STX18: variants seen among roughly 807,000 people sequenced by gnomAD.
STX18 encodes the protein syntaxin 18, also known as syntaxin-18.
STX18 carries 40 observed loss-of-function variants against 50.1 expected under a neutral mutation model. The observed-to-expected ratio is 0.80, with a 90% CI of 0.62 to 1.04. The LOEUF is 1.04. Ranked by LOEUF, STX18 falls within the 50% of genes least tolerant of loss-of-function variation. The pLI is 0.00. For synonymous variants in STX18, 158 were observed against 151.8 expected (o/e 1.04, Z -0.30); for missense variants, 410 against 415.8 (o/e 0.99, Z 0.12).
chr4:4,478,155 G>C (rs143891968), intron 1 of STX18, among the ~76,000 whole-genome samples: 1 of 149,748 alleles, frequency 6.7e-6, no homozygotes, highest in Admixed American at 6.6e-5. Flanking sequence ...CTTCATGAGA[G>C]TATTTGTGAG....
At chr4:4,535,033 C>T (rs1731266984) in intron 1 of STX18, among the ~76,000 whole-genome samples, 1 of 152,198 alleles carries the variant, frequency 6.6e-6, no homozygotes, top group Admixed American at 6.5e-5. Context: ...TGCCTCTGGC[C>T]CCAAACTGCC....
chr4:4,523,117 G>A (rs537738472), intron 1 of STX18, among the ~76,000 whole-genome samples: 3 of 152,318 alleles, frequency 2.0e-5, no homozygotes, highest in South Asian at 4.1e-4. Flanking sequence ...TCAGTTGCAG[G>A]AGGTGGTAGA....
Position 4,530,663 on chromosome 4 carries a change from T to C in STX18, c.168+11134A>G, listed in dbSNP as rs939434118. 3.3e-5 allele frequency among the ~76,000 whole-genome samples: 5 copies of C among 152,210 alleles called. No homozygotes were observed. The South Asian group carries it at 6.2e-4, about 19-fold the overall frequency. ...TTTGTTTTTCCTAGCTGGAGTGCAA[T>C]AGCACAATCTTGGATCACTGCAACC... On this transcript the variant is annotated intron_variant, in intron 1 of 10. Coordinates refer to ENST00000306200, the MANE Select transcript of STX18 (RefSeq NM_016930.4).
chr4:4,442,141 A>T (rs374790868), intron 5 of STX18, among the ~76,000 whole-genome samples: 3 of 152,220 alleles, frequency 2.0e-5, no homozygotes, highest in East Asian at 1.9e-4. Flanking sequence ...AATAGGATAT[A>T]AAATTCAAAA....
intron 7 of STX18, chr4:4,425,860 A>G (rs1725219204): frequency 6.6e-6 from 1 of 152,512 alleles, no homozygotes; most frequent in South Asian, 2.1e-4. Flanking sequence ...CTTGGCACAG[A>G]CAGTTGCTCT....
At chr4:4,534,647 A>G (rs1317449441) in intron 1 of STX18, among the ~76,000 whole-genome samples, 1 of 152,218 alleles carries the variant, frequency 6.6e-6, no homozygotes, top group Non-Finnish European at 1.5e-5. Flanking sequence ...AAATACAAAC[A>G]TGATCCTTTC....
At chr4:4,538,449 A>G (rs1011481692) in intron 1 of STX18, among the ~76,000 whole-genome samples, 3 of 152,108 alleles carry the variant, frequency 2.0e-5, no homozygotes, top group Middle Eastern at 3.2e-3. Context: ...CAGGATTTTC[A>G]CTCATTCCTC....
At chr4:4,439,318 A>G (rs1007333070) in intron 5 of STX18, among the ~76,000 whole-genome samples, 1 of 150,202 alleles carries the variant, frequency 6.7e-6, no homozygotes, top group South Asian at 2.1e-4. Flanking sequence ...ACATATACAC[A>G]TACCATATAT....
At chr4:4,479,887 A>T (rs1349262131) in intron 1 of STX18, among the ~76,000 whole-genome samples, 16 of 152,216 alleles carry the variant, frequency 1.1e-4, no homozygotes, top group Non-Finnish European at 2.4e-4. Context: ...ATAGGCAAAC[A>T]GGTCTCCTGT....
At position 4,542,034 on chromosome 4, in the gene STX18, G is replaced by A. The variant is rs184731480; in HGVS notation, c.-70C>T. On this transcript the variant is annotated 5_prime_UTR_variant, in exon 1 of 11. Transcript: ENST00000306200. ...CAGCCGGCGACCGCGGCGCGAACCC[G>A]GCCGCTGAAGGACTGGTCCTGCCCC... The A allele has an allele frequency of 2.0e-5, 29 of 1,463,978 alleles. No individual in the cohort carries two copies. The African/African-American group carries it at 3.6e-4, about 18-fold the overall frequency. 90.7% of individuals were successfully genotyped at this position (1,463,978 alleles called of 1,614,324 possible). A position where few individuals can be genotyped will look rare whatever the true frequency, so the allele number is the denominator to read the frequency against.
At chr4:4,475,537 TAGGCATACCTA>T (rs1728135387) in intron 1 of STX18, among the ~76,000 whole-genome samples, 1 of 151,952 alleles carries the variant, frequency 6.6e-6, no homozygotes, top group African/African-American at 2.4e-5. Context: ...TTTATCTACA[TAGGCATACCTA>T]AGTCCCCAAA....
intron 2 of STX18, among the ~76,000 whole-genome samples, chr4:4,460,034 A>G (rs1347856990): frequency 1.3e-5 from 2 of 151,916 alleles, no homozygotes; most frequent in African/African-American, 4.8e-5. Flanking sequence ...GCCTTCCCTA[A>G]TCCTTCTTTA....
intron 1 of STX18, among the ~76,000 whole-genome samples, chr4:4,511,857 A>C (rs2108893588): frequency 6.6e-6 from 1 of 152,020 alleles, no homozygotes; most frequent in East Asian, 1.9e-4. Flanking sequence ...AAGGTAATGT[A>C]TGAAGGATGG....
intron 5 of STX18, among the ~76,000 whole-genome samples, chr4:4,455,330 T>C (rs1461261812): frequency 1.3e-5 from 2 of 152,268 alleles, no homozygotes; most frequent in East Asian, 3.8e-4. Flanking sequence ...CAGTGCATTA[T>C]ATAATAGTAG....
At chr4:4,478,624 T>G (rs1174531376) in intron 1 of STX18, 1 of 152,092 alleles carries the variant, frequency 6.6e-6, no homozygotes, top group Non-Finnish European at 1.5e-5. Context: ...ATCCAGGGAG[T>G]TGGCCAAGGT....
intron 1 of STX18, among the ~76,000 whole-genome samples, chr4:4,533,661 T>C (rs1190009451): frequency 6.6e-6 from 1 of 152,228 alleles, no homozygotes; most frequent in African/African-American, 2.4e-5. Context: ...CTAGCCTCAA[T>C]ATGTAGAAAA....
intron 1 of STX18, among the ~76,000 whole-genome samples, chr4:4,477,235 C>T (rs1031646070): frequency 6.6e-6 from 1 of 152,062 alleles, no homozygotes; most frequent in Non-Finnish European, 1.5e-5. Flanking sequence ...GAGCGAGACT[C>T]GGTCTCAAAA....
intron 6 of STX18, among the ~76,000 whole-genome samples, chr4:4,435,993 C>T (rs1725756207): frequency 6.6e-6 from 1 of 152,144 alleles, no homozygotes; most frequent in Non-Finnish European, 1.5e-5. Context: ...TGTCTCAGGG[C>T]TTATCAGTGA....
rs768976831 is a variant in STX18, at chr4:4,457,179, A to C, written c.497+12T>G. 6.2e-7 allele frequency: 1 copy of C among 1,611,302 alleles called. No individual in the cohort carries two copies. The highest frequency in any genetic ancestry group is 1.1e-5 in the South Asian group (1 of 91,012). On this transcript the variant is annotated intron_variant, in intron 5 of 10. Transcript: ENST00000306200. ...TTATTAATTAAGAAACACCAATGAA[A>C]GCAATACTTACAATCTTTTCTTATC...
Sources: gnomAD v4.1 joint callset for allele counts (sites outside exome capture counted in the v4.1 genomes callset) on GRCh38, gnomAD v4.1.1 for gene constraint, MANE v1.5 for transcripts, NCBI Gene and HGNC (gene_info 2026-07-23, HGNC 2026-07-21) for gene names.